Variants in EPHA3 observed in about 807,000 individuals in gnomAD.
EPHA3 encodes the protein EPH receptor A3, also known as ephrin type-A receptor 3.
Under a neutral mutation model 107.1 loss-of-function variants are expected in EPHA3, and 42 were observed. The ratio of observed to expected loss-of-function variants is 0.39; its 90% confidence interval spans 0.31 to 0.51. The LOEUF (loss-of-function observed/expected upper bound fraction) is 0.51, where lower values mean the gene tolerates loss of function less well. Among genes scored for constraint, EPHA3 ranks in the 20% least tolerant of loss-of-function variants. The pLI, the probability that EPHA3 is intolerant of heterozygous loss-of-function variation, is 0.78. For synonymous variants in EPHA3, 461 were observed against 424.8 expected, an observed-to-expected ratio of 1.09 and a Z score of -1.05; for missense variants, 1,183 against 1,211.2, an observed-to-expected ratio of 0.98 and a Z score of 0.35.
chr3:89,189,838 T>C (rs1425300317), intron 2 of EPHA3, among the ~76,000 whole-genome samples: 1 of 152,202 alleles, frequency 6.6e-6, no homozygotes, highest in Non-Finnish European at 1.5e-5. Context: ...AGGCATTAAT[T>C]GTGTCCATTA....
chr3:89,479,194 A>C (rs1157684355), intron 16 of EPHA3, among the ~76,000 whole-genome samples: 1 of 152,158 alleles, frequency 6.6e-6, no homozygotes, highest in Non-Finnish European at 1.5e-5. Context: ...GATTTTGGGG[A>C]AACTCTATTC....
At chr3:89,431,515 T>G (rs563068278) in intron 13 of EPHA3, among the ~76,000 whole-genome samples, 156 bp downstream of exon 13, 2 of 152,154 alleles carry the variant, frequency 1.3e-5, no homozygotes, top group Non-Finnish European at 2.9e-5. Context: ...TTATTTATTC[T>G]GGGTAAATAG....
chr3:89,471,876 A>G (rs1317615139), intron 15 of EPHA3, among the ~76,000 whole-genome samples: 3 of 151,970 alleles, frequency 2.0e-5, no homozygotes, highest in South Asian at 2.1e-4. Context: ...CAAGTATGCA[A>G]GAATGTTTTT....
At chr3:89,469,508 C>T (rs1710359580) in intron 15 of EPHA3, among the ~76,000 whole-genome samples, 1 of 152,110 alleles carries the variant, frequency 6.6e-6, no homozygotes, top group Admixed American at 6.5e-5. Context: ...TATCCTGGCT[C>T]ACGAATCAAC....
intron 3 of EPHA3, among the ~76,000 whole-genome samples, chr3:89,251,749 G>A (rs1350651520): frequency 6.6e-6 from 1 of 151,240 alleles, no homozygotes; most frequent in East Asian, 1.9e-4. Flanking sequence ...TAATCCATTG[G>A]CATGTCTTGC....
At chr3:89,421,978 G>C (rs1432276993) in intron 11 of EPHA3, among the ~76,000 whole-genome samples, 3 of 151,068 alleles carry the variant, frequency 2.0e-5, no homozygotes, top group African/African-American at 7.3e-5. Flanking sequence ...TTCTAAATTT[G>C]ATATATCTCC....
At chr3:89,441,813 T>C (rs1025650723) in intron 13 of EPHA3, among the ~76,000 whole-genome samples, 4 of 152,172 alleles carry the variant, frequency 2.6e-5, no homozygotes, top group Admixed American at 1.3e-4. Context: ...TTTAGTTTGA[T>C]AGTCTCAGAA....
At chr3:89,167,927 T>TAC (rs753443997) in intron 2 of EPHA3, among the ~76,000 whole-genome samples, 2 of 152,154 alleles carry the variant, frequency 1.3e-5, no homozygotes, top group African/African-American at 2.4e-5. Context: ...TACACATATA[T>TAC]ACACACACAC....
intron 2 of EPHA3, among the ~76,000 whole-genome samples, chr3:89,161,301 C>T (rs916285168): frequency 2.6e-5 from 4 of 152,118 alleles, no homozygotes; most frequent in African/African-American, 9.7e-5. Context: ...AGTCTCTCTC[C>T]ACCTCTGCCA....
chr3:89,329,633 A>C (rs758064519), intron 3 of EPHA3, among the ~76,000 whole-genome samples: 45 of 152,140 alleles, frequency 3.0e-4, no homozygotes, highest in Middle Eastern at 3.2e-3. Flanking sequence ...GTAAAGTTTT[A>C]GCATAACATA....
intron 2 of EPHA3, among the ~76,000 whole-genome samples, chr3:89,160,573 TGTGTGTGTGTGTGTGTGC>T (rs1302512731): frequency 6.4e-5 from 9 of 139,764 alleles, no homozygotes; most frequent in African/African-American, 2.3e-4. Context: ...TGTGTGTGTG[TGTGTGTGTGTGTGTGTGC>T]GCGCATTCTT....
chr3:89,429,762 A>C (rs1160721196), intron 12 of EPHA3, among the ~76,000 whole-genome samples: 1 of 151,102 alleles, frequency 6.6e-6, no homozygotes, highest in East Asian at 1.9e-4. Context: ...ATGGAGTTTT[A>C]CTCTTGTTGC....
At chr3:89,388,787 A>T (rs1418719613) in intron 5 of EPHA3, among the ~76,000 whole-genome samples, 2 of 152,150 alleles carry the variant, frequency 1.3e-5, no homozygotes, top group African/African-American at 4.8e-5. Flanking sequence ...AAAAATACAG[A>T]TCTCCAGACC....
chr3:89,434,051 G>C (rs1709619180), intron 13 of EPHA3, among the ~76,000 whole-genome samples: 1 of 152,154 alleles, frequency 6.6e-6, no homozygotes, highest in African/African-American at 2.4e-5. Flanking sequence ...TCCATGAAAA[G>C]TATCATGCTT....
chr3:89,114,905 G>C (rs2106947161), intron 1 of EPHA3, among the ~76,000 whole-genome samples: 1 of 152,344 alleles, frequency 6.6e-6, no homozygotes, highest in East Asian at 1.9e-4. Context: ...GGCAGGTCCT[G>C]ACCTGAGGAA....
At chr3:89,131,560 A>G (rs1266932320) in intron 2 of EPHA3, among the ~76,000 whole-genome samples, 2 of 152,184 alleles carry the variant, frequency 1.3e-5, no homozygotes, top group African/African-American at 2.4e-5. Flanking sequence ...GTTGAGCTAC[A>G]CAGTTTTCAC....
intron 6 of EPHA3, among the ~76,000 whole-genome samples, chr3:89,396,760 A>G (rs1192822262): frequency 6.6e-6 from 1 of 152,228 alleles, no homozygotes; most frequent in East Asian, 1.9e-4. Context: ...CAGTTTATAA[A>G]GTGTGTTAAA....
chr3:89,327,267 C>T (rs1707186513), intron 3 of EPHA3, among the ~76,000 whole-genome samples: 1 of 152,080 alleles, frequency 6.6e-6, no homozygotes, highest in African/African-American at 2.4e-5. Context: ...ATATAGCACA[C>T]TGTTTTAGAA....
intron 10 of EPHA3, among the ~76,000 whole-genome samples, chr3:89,413,853 TCACC>T (rs1183273736): frequency 6.6e-6 from 1 of 151,710 alleles, no homozygotes; most frequent in Non-Finnish European, 1.5e-5. Flanking sequence ...TTGTTAACAA[TCACC>T]TATTAAGTGG....
Sources: gnomAD v4.1 joint callset for allele counts (sites outside exome capture counted in the v4.1 genomes callset) on GRCh38, gnomAD v4.1.1 for gene constraint, MANE v1.5 for transcripts, NCBI Gene and HGNC (gene_info 2026-07-23, HGNC 2026-07-21) for gene names.